The following FCHSD1 variants were observed in gnomAD, a reference collection of about 807,000 sequenced individuals.
FCHSD1 encodes F-BAR and double SH3 domains protein 1.
Under a neutral mutation model 101.3 loss-of-function variants are expected in FCHSD1, and 109 were observed. The ratio of observed to expected loss-of-function variants is 1.08; its 90% CI spans 0.92 to 1.26. FCHSD1 has a LOEUF of 1.26. Ranked by LOEUF, FCHSD1 falls within the 50% of genes most tolerant of loss-of-function variation. The pLI is 0.00. For synonymous variants in FCHSD1, 291 were observed against 356.8 expected (o/e 0.82, Z 2.08); for missense variants, 820 against 895.8 (o/e 0.92, Z 1.08).
Position 141,640,642 on chromosome 5 carries a change from C to T in FCHSD1, c.*856G>A. On this transcript the variant is annotated 3_prime_UTR_variant, in exon 20 of 20. Coordinates refer to ENST00000435817, the MANE Select transcript of FCHSD1 (RefSeq NM_033449.3). Reference sequence around the variant, plus strand: ...AGCTGGACACAGCTTGAACAGGAAGCAACAGTGTTATTCTTCCTCTTCTCC... The same window carrying T: ...AGCTGGACACAGCTTGAACAGGAAGTAACAGTGTTATTCTTCCTCTTCTCC... The T allele has an allele frequency of 1.3e-6, 2 of 1,537,938 alleles. No homozygotes were observed. The highest frequency in any genetic ancestry group is 1.7e-6 in the Non-Finnish European group (2 of 1,145,992).
intron 18 of FCHSD1, chr5:141,642,532 A>G (rs2099907056): frequency 7.3e-6 from 4 of 544,364 alleles, no homozygotes; most frequent in South Asian, 4.8e-5. Context: ...TAAAACTGCT[A>G]TAGACATTTA....
Position 141,649,533 on chromosome 5 carries a change from G to T in FCHSD1, c.237C>A (p.Gly79=). Residue 79 remains glycine (G), a synonymous_variant, in exon 5 of 20, where the codon GGC becomes GGA. Transcript: ENST00000435817. This position sits in a 1 kb window ranked among gnomAD's most constrained non-coding sequence, Gnocchi z 4.1. ...AGCGCCAGGCACCGAACACTGTCCT[G>T]CCCCTCCCCAGAGAAGGTCTGTGTT... is the stretch of plus-strand genomic sequence containing the variant. ...GHRSGEMDSR[G]RTVFGAWRCL... 3.1e-6 allele frequency: 5 copies of T among 1,611,546 alleles called. No homozygotes were observed. The highest frequency in any genetic ancestry group is 4.2e-6 in the Non-Finnish European group (5 of 1,179,362).
chr5:141,651,123 G>T lies in FCHSD1; in HGVS notation c.22-6C>A. 6.3e-7 allele frequency: 1 copy of T among 1,578,050 alleles called. No homozygotes were observed. The highest frequency in any genetic ancestry group is 2.3e-5 in the East Asian group (1 of 43,176). On this transcript the variant is annotated splice_region_variant and splice_polypyrimidine_tract_variant and intron_variant, in intron 1 of 19. Coordinates refer to ENST00000435817, the MANE Select transcript of FCHSD1 (RefSeq NM_033449.3). The stretch of plus-strand genomic sequence containing the variant: ...ACCTCCTGGGCCGGCTTCACCTGTG[G>T]GGGCAAAGAGAGGATGAAGACCCCA...
intron 1 of FCHSD1, 105 bp downstream of exon 1, chr5:141,651,243 G>A (rs938016830): frequency 4.6e-6 from 7 of 1,530,114 alleles, no homozygotes; most frequent in Admixed American, 2.0e-5. Context: ...CTGGTTTGGG[G>A]TCTGACCCCT....
At chr5:141,643,281 T>C (rs702379) in intron 17 of FCHSD1, among the ~76,000 whole-genome samples, 193 bp from the exon 18 acceptor site, 33,232 of 151,646 alleles carry the variant, frequency 0.22, 3,964 homozygotes, top group Middle Eastern at 0.38. Flanking sequence ...ATGTTTACTA[T>C]GTCTCAAGTG....
chr5:141,651,196 G>T, intron 1 of FCHSD1, 79 bp from the exon 2 acceptor site: 11 of 1,489,906 alleles, frequency 7.4e-6, no homozygotes, highest in Non-Finnish European at 1.0e-5. Context: ...TGAGGGGGCG[G>T]GGCCGGGGGG....
chr5:141,650,007 C>A, intron 3 of FCHSD1, 53 bp from the exon 4 acceptor site: 1 of 1,492,710 alleles, frequency 6.7e-7, no homozygotes, highest in East Asian at 2.5e-5. Context: ...CCCACCCCAA[C>A]TGGCAGAATA....
chr5:141,649,140 A>G lies in FCHSD1; in HGVS notation c.512+32T>C, dbSNP rs117179945. 816 of 1,613,562 alleles carry G rather than the reference A, an allele frequency of 5.1e-4. 5 individuals are homozygous for G. The East Asian group carries it at 0.014, about 28-fold the overall frequency. ...GACAGCCCCACCTCCCTGTTCCCCA[A>G]CCTTGGGCTTCCTCACTCTCCATGA... On this transcript the variant is annotated intron_variant, in intron 6 of 19. Coordinates refer to ENST00000435817, the MANE Select transcript of FCHSD1 (RefSeq NM_033449.3). This position sits in a 1 kb window ranked among gnomAD's most constrained non-coding sequence, Gnocchi z 4.1.
rs1393177937 is a variant in FCHSD1 at position 141,644,248 on chromosome 5, T to TG, written c.1832dup (p.Gly612ArgfsTer4). 6 of 1,612,800 alleles carry TG rather than the reference T, an allele frequency of 3.7e-6. No individual in the cohort carries two copies. Among genetic ancestry groups the TG allele is most frequent in the Non-Finnish European group, 4.2e-6 (5 of 1,179,418 alleles). On this transcript the variant is annotated frameshift_variant, in exon 17 of 20. Coordinates refer to ENST00000435817, the MANE Select transcript of FCHSD1 (RefSeq NM_033449.3). LOFTEE classifies it high-confidence loss of function. ...CAGGGTCAGAGAGTTCAGGTGGCCC[T>TG]GGGGGGCCAAGCAGCTCTTCCACCA...
intron 1 of FCHSD1, 86 bp downstream of exon 1, chr5:141,651,262 C>A: frequency 6.5e-7 from 1 of 1,545,794 alleles, no homozygotes; most frequent in South Asian, 1.2e-5. Context: ...CTTCCGACTT[C>A]CCGTCTCCTA....
Position 141,649,665 on chromosome 5 carries a change from C to A in FCHSD1, c.234-129G>T. 7.5e-7 allele frequency: 1 copy of A among 1,337,002 alleles called. No individual in the cohort carries two copies. Among genetic ancestry groups the A allele is most frequent in the Non-Finnish European group, 1.0e-6 (1 of 998,180 alleles). The allele number at this position is 1,337,002 out of a possible 1,614,324, so 82.8% of individuals were successfully genotyped here. A position where few individuals can be genotyped will look rare whatever the true frequency, so the allele number is the denominator to read the frequency against. On this transcript the variant is annotated intron_variant, in intron 4 of 19. Coordinates refer to ENST00000435817, the MANE Select transcript of FCHSD1 (RefSeq NM_033449.3). This position sits in a 1 kb window ranked among gnomAD's most constrained non-coding sequence, Gnocchi z 4.1. ...TCCCATCCTCCCTTGTCTGGGAGCC[C>A]ATCAATCGATCAGCCCATTAGCTCA... is the stretch of plus-strand genomic sequence containing the variant.
Position 141,640,052 on chromosome 5 carries a change from C to T in FCHSD1, c.*1446G>A, listed in dbSNP as rs1192232162. 1.2e-6 allele frequency: 2 copies of T among 1,613,430 alleles called. No homozygotes were observed. The highest frequency in any genetic ancestry group is 1.7e-6 in the Non-Finnish European group (2 of 1,179,796). On this transcript the variant is annotated 3_prime_UTR_variant, in exon 20 of 20. Coordinates refer to ENST00000435817, the MANE Select transcript of FCHSD1 (RefSeq NM_033449.3). The stretch of plus-strand genomic sequence containing the variant: ...GTCAGGGGTCTGGGGGAGGGCAGCC[C>T]AAGGCAGGGATGCCTGCCATGGAGA...
rs760292174 is a variant in FCHSD1 at position 141,639,982 on chromosome 5, C to G, written c.*1516G>C. The G allele has an allele frequency of 1.2e-6, 2 of 1,613,894 alleles. No homozygotes were observed. Among genetic ancestry groups the G allele is most frequent in the Admixed American group, 3.3e-5 (2 of 60,020 alleles). On this transcript the variant is annotated 3_prime_UTR_variant, in exon 20 of 20. Coordinates refer to ENST00000435817, the MANE Select transcript of FCHSD1 (RefSeq NM_033449.3). The surrounding 1 kb of genome is among the most constrained non-coding windows in gnomAD (Gnocchi z 4.4). ...CACGAACACCGTGATGGCTCCCCCA[C>G]AGACAGGAGCTGGGGCTCTGGTGGG...
At position 141,640,318 on chromosome 5, in the gene FCHSD1, G is replaced by A. The variant is rs1261907910; in HGVS notation, c.*1180C>T. 1.2e-6 allele frequency: 2 copies of A among 1,613,818 alleles called. No homozygotes were observed. The highest frequency in any genetic ancestry group is 1.7e-6 in the Non-Finnish European group (2 of 1,179,906). ...CAGGTAGGAAAACACAGCCGGGACTGCACTGGGCTGGGCTCTTATTGCTCT... is the reference window on the plus strand; with the variant it reads ...CAGGTAGGAAAACACAGCCGGGACTACACTGGGCTGGGCTCTTATTGCTCT... On this transcript the variant is annotated 3_prime_UTR_variant, in exon 20 of 20. Coordinates refer to ENST00000435817, the MANE Select transcript of FCHSD1 (RefSeq NM_033449.3).
chr5:141,649,082 A>C lies in FCHSD1; in HGVS notation c.513-62T>G, dbSNP rs988834491. 25 of 1,613,762 alleles carry C rather than the reference A, an allele frequency of 1.5e-5. No individual in the cohort carries two copies. The African/African-American group carries it at 3.3e-4, about 22-fold the overall frequency. ...AGTGGGAGAATATGAGATCAGAGTCAGGCCCAGCTTTGGTGACTTGGCTCC... is the reference window on the plus strand; with the variant it reads ...AGTGGGAGAATATGAGATCAGAGTCCGGCCCAGCTTTGGTGACTTGGCTCC... On this transcript the variant is annotated intron_variant, in intron 6 of 19. Transcript: ENST00000435817. This position sits in a 1 kb window ranked among gnomAD's most constrained non-coding sequence, Gnocchi z 4.1.
chr5:141,644,303 C>G lies in FCHSD1; in HGVS notation c.1778G>C (p.Gly593Ala). 6.2e-7 allele frequency: 1 copy of G among 1,613,852 alleles called. No individual in the cohort carries two copies. The highest frequency in any genetic ancestry group is 8.5e-7 in the Non-Finnish European group (1 of 1,179,816). ...GGAGGGGAAGACCCCAACACGGCCC[C>G]CAAATTCTCCCCTCCAGAAGCCGTC... ...VDDGFWRGEF[G>A]GRVGVFPSLL... Residue 593 changes from glycine (G) to alanine (A), a missense_variant, in exon 17 of 20, where the codon GGG (glycine) becomes GCG (alanine). Gly to Ala is a moderately conservative substitution (Grantham distance 60). Transcript: ENST00000435817.
At chr5:141,643,219 T>TCGGG in intron 17 of FCHSD1, 131 bp from the exon 18 acceptor site, 1 of 563,496 alleles carries the variant, frequency 1.8e-6, no homozygotes. Flanking sequence ...TTGCATTCGG[T>TCGGG]GGGGGGGTGT....
At chr5:141,650,845 G>A (rs978462157) in intron 2 of FCHSD1, among the ~76,000 whole-genome samples, 175 bp downstream of exon 2, 14 of 151,916 alleles carry the variant, frequency 9.2e-5, no homozygotes, top group Non-Finnish European at 1.9e-4. Flanking sequence ...GGAGGGGTTA[G>A]GTGGGGGAGC....
Position 141,640,254 on chromosome 5 carries a change from G to A in FCHSD1, c.*1244C>T. The stretch of plus-strand genomic sequence containing the variant: ...AAGCCCAGGGCTGCCCACTCAAGAG[G>A]CAAATGGGCAGCCAAGCAAACCAGA... On this transcript the variant is annotated 3_prime_UTR_variant, in exon 20 of 20. Transcript: ENST00000435817. 1 of 1,614,048 alleles carries A rather than the reference G, an allele frequency of 6.2e-7. No homozygotes were observed. The highest frequency in any genetic ancestry group is 8.5e-7 in the Non-Finnish European group (1 of 1,179,956).
Sources: allele counts gnomAD v4.1 joint callset (sites outside exome capture counted in the v4.1 genomes callset), GRCh38; gene constraint gnomAD v4.1.1; non-coding constraint Gnocchi (gnomAD v3.1); transcripts MANE v1.5; gene names NCBI Gene and HGNC (gene_info 2026-07-23, HGNC 2026-07-21).